The following HHIPL2 variants were observed in gnomAD, a reference collection of about 807,000 sequenced individuals.
HHIPL2 encodes the protein HHIP like 2.
In HHIPL2, 61 loss-of-function variants were observed where a neutral mutation model predicts 61.0. The observed-to-expected ratio is 1.00, with a 90% confidence interval of 0.81 to 1.24. The LOEUF is 1.24. Ranked by LOEUF, HHIPL2 falls within the 50% of genes most tolerant of loss-of-function variation. HHIPL2 has a pLI of 0.00. For missense variants in HHIPL2, 885 were observed against 910.2 expected, an observed-to-expected ratio of 0.97 and a Z score of 0.36; for synonymous variants, 343 against 357.4, an observed-to-expected ratio of 0.96 and a Z score of 0.45.
At chr1:222,527,586 C>T (rs1656121027) in intron 6 of HHIPL2, among the ~76,000 whole-genome samples, 4 of 152,100 alleles carry the variant, frequency 2.6e-5, no homozygotes, top group Admixed American at 2.6e-4. Flanking sequence ...CTTTTCCATG[C>T]CCCACAAAAA....
chr1:222,546,829 G>A (rs917875949), intron 1 of HHIPL2, among the ~76,000 whole-genome samples: 1 of 152,204 alleles, frequency 6.6e-6, no homozygotes. Flanking sequence ...TGCAGGCTCA[G>A]GAACAGTGGC....
chr1:222,536,907 A>C (rs1404526126), intron 5 of HHIPL2, among the ~76,000 whole-genome samples: 1 of 152,026 alleles, frequency 6.6e-6, no homozygotes, highest in Non-Finnish European at 1.5e-5. Flanking sequence ...ATTTTTTTTA[A>C]TTAGCTGGGT....
chr1:222,527,396 T>C (rs1287297815), intron 6 of HHIPL2, among the ~76,000 whole-genome samples: 2 of 152,192 alleles, frequency 1.3e-5, no homozygotes, highest in African/African-American at 4.8e-5. Context: ...ACCTCTTTCC[T>C]CTGTGAACAC....
chr1:222,527,239 C>T (rs1458695457), intron 6 of HHIPL2, among the ~76,000 whole-genome samples, 189 bp from the exon 7 acceptor site: 2 of 152,204 alleles, frequency 1.3e-5, no homozygotes, highest in African/African-American at 2.4e-5. Flanking sequence ...GAAAGTCCAT[C>T]TTTGAACCCC....
chr1:222,528,809 T>A (rs1659126875), intron 6 of HHIPL2, among the ~76,000 whole-genome samples: 1 of 149,040 alleles, frequency 6.7e-6, no homozygotes, highest in Non-Finnish European at 1.5e-5. Context: ...TCTGAATTAT[T>A]TAAACAACTA....
chr1:222,538,614 A>G (rs773382045), intron 5 of HHIPL2, 34 bp downstream of exon 5: 5 of 1,584,722 alleles, frequency 3.2e-6, no homozygotes, highest in Non-Finnish European at 4.3e-6. Context: ...TATTAAAATA[A>G]AAAGAGGGAG....
chr1:222,529,666 T>C (rs1418319988), intron 6 of HHIPL2, among the ~76,000 whole-genome samples: 2 of 152,228 alleles, frequency 1.3e-5, no homozygotes, highest in African/African-American at 4.8e-5. Flanking sequence ...ATGCATGCTA[T>C]ACAAATTTAC....
rs373452655 is a variant in HHIPL2, at chr1:222,538,195, GGTGTGTGT to G, written c.1577+445_1577+452del. Among the ~76,000 whole-genome samples, 282 of 136,360 alleles carry G rather than the reference GGTGTGTGT, an allele frequency of 2.1e-3. 1 individual carries two copies. The highest frequency in any genetic ancestry group is 5.5e-3 in the South Asian group (21 of 3,804). The allele number at this position is 136,360 out of a possible 152,430, so 89.5% of individuals were successfully genotyped here. On this transcript the variant is annotated intron_variant, in intron 5 of 8. Coordinates refer to ENST00000343410, the MANE Select transcript of HHIPL2 (RefSeq NM_024746.4). ...GGTGAGAGTGCTTATCTCTGGCTGG[GGTGTGTGT>G]GTGTGTGTGTGTGTGTGTGTGTGTG...
intron 6 of HHIPL2, among the ~76,000 whole-genome samples, chr1:222,529,838 G>A (rs1010020721): frequency 2.0e-5 from 3 of 152,194 alleles, no homozygotes; most frequent in Non-Finnish European, 4.4e-5. Context: ...AGGATGTGAA[G>A]TGCAGCCATA....
At position 222,522,397 on chromosome 1, in the gene HHIPL2, GGTCTCCCA is replaced by G. The variant is rs1658970594; in HGVS notation, c.*196_*203del. The G allele has an allele frequency of 3.3e-6, 2 of 608,108 alleles. No individual in the cohort carries two copies. Among genetic ancestry groups the G allele is most frequent in the African/African-American group, 3.7e-5 (2 of 54,264 alleles). 37.7% of individuals were successfully genotyped at this position (608,108 alleles called of 1,614,324 possible). A position where few individuals can be genotyped will look rare whatever the true frequency, so the allele number is the denominator to read the frequency against. ...CAGGTGCACCAGCAATCTGGGATAT[GGTCTCCCA>G]CAGAAGCACTGCATACAGAGAAGGT... is the stretch of plus-strand genomic sequence containing the variant. On this transcript the variant is annotated 3_prime_UTR_variant, in exon 9 of 9. Transcript: ENST00000343410.
Position 222,544,156 on chromosome 1 carries a change from C to T in HHIPL2, c.355G>A (p.Ala119Thr). 4 of 1,613,382 alleles carry T rather than the reference C, an allele frequency of 2.5e-6. No homozygotes were observed. The Middle Eastern group carries it at 5.0e-4, about 200-fold the overall frequency. The change falls in exon 2 of 9, where the codon GCC (alanine) becomes ACC (threonine). Residue 119 changes from alanine to threonine, a missense_variant. Physicochemically the swap from Ala to Thr is moderately conservative, Grantham distance 58. Transcript: ENST00000343410. ...CGGAGAGGCGTCTGGGTGTTTTCGG[C>T]GTCGTAGAGGTGGGCTGCGTAGGGC... ...CSPYAAHLYDAENTQTPLRNL... is the reference protein window; with the variant it reads ...CSPYAAHLYDTENTQTPLRNL...
At position 222,547,611 on chromosome 1, in the gene HHIPL2, C is replaced by T. The variant is rs1571781409; in HGVS notation, c.321+113G>A. 5 of 886,352 alleles carry T rather than the reference C, an allele frequency of 5.6e-6. No homozygotes were observed. In the East Asian group the frequency reaches 1.2e-4, roughly 22 times the overall value. 54.9% of individuals were successfully genotyped at this position (886,352 alleles called of 1,614,324 possible). ...CAAAGCCGGCAGCTCCAAGATGAGG[C>T]ACCCGGCACATGAACTTCTAAAGGG... On this transcript the variant is annotated intron_variant, in intron 1 of 8. Coordinates refer to ENST00000343410, the MANE Select transcript of HHIPL2 (RefSeq NM_024746.4).
At chr1:222,544,909 T>A (rs1013435657) in intron 1 of HHIPL2, among the ~76,000 whole-genome samples, 1 of 152,260 alleles carries the variant, frequency 6.6e-6, no homozygotes, top group African/African-American at 2.4e-5. Context: ...TTATTGATTT[T>A]AAAAATTTCA....
At position 222,522,350 on chromosome 1, in the gene HHIPL2, T is replaced by A; in HGVS notation, c.*251A>T. ...TCCAGTGTGATTCCAAGCAGGCTCA[T>A]GGACTAGTGCTTACCATAACCCAGG... On this transcript the variant is annotated 3_prime_UTR_variant, in exon 9 of 9. Coordinates refer to ENST00000343410, the MANE Select transcript of HHIPL2 (RefSeq NM_024746.4). 1.9e-6 allele frequency: 1 copy of A among 521,894 alleles called. No homozygotes were observed. Among genetic ancestry groups the A allele is most frequent in the East Asian group, 3.0e-5 (1 of 33,064 alleles). 32.3% of individuals were successfully genotyped at this position (521,894 alleles called of 1,614,324 possible). A position where few individuals can be genotyped will look rare whatever the true frequency, so the allele number is the denominator to read the frequency against.
intron 6 of HHIPL2, among the ~76,000 whole-genome samples, chr1:222,531,680 G>A (rs1433015892): frequency 3.3e-5 from 5 of 152,096 alleles, no homozygotes; most frequent in Admixed American, 6.5e-5. Context: ...CTCTGGAAGC[G>A]GAGGTTGCAG....
rs142197988 is a variant in HHIPL2 at position 222,543,602 on chromosome 1, C to A, written c.909G>T (p.Lys303Asn). The A allele has an allele frequency of 3.1e-6, 5 of 1,614,182 alleles. No individual in the cohort carries two copies. In the South Asian group the frequency reaches 3.3e-5, roughly 11 times the overall value. ...AAACCTTCATCTCACTAATTCGGAT[C>A]TTTTCTACCTTCTTCTTGTCCAGGC... The part of the protein sequence containing the change: ...YSCLDKKKVE[K>N]IRISEMKVSR... Residue 303 changes from lysine to asparagine, a missense_variant, in exon 2 of 9, where the codon AAG becomes AAT. Transcript: ENST00000343410.
At chr1:222,542,486 G>T (rs1252488255) in intron 2 of HHIPL2, among the ~76,000 whole-genome samples, 1 of 148,084 alleles carries the variant, frequency 6.8e-6, no homozygotes, top group Non-Finnish European at 1.5e-5. Context: ...CCTCAGCTGA[G>T]AGCCTCCCGA....
At chr1:222,538,412 TGAGA>T (rs935462000) in intron 5 of HHIPL2, among the ~76,000 whole-genome samples, 1 of 123,990 alleles carries the variant, frequency 8.1e-6, no homozygotes, top group Non-Finnish European at 1.7e-5. Flanking sequence ...GCCCCTGGTA[TGAGA>T]GAGAGACAGA....
chr1:222,527,174 G>A, intron 6 of HHIPL2, 124 bp from the exon 7 acceptor site: 1 of 706,944 alleles, frequency 1.4e-6, no homozygotes, highest in Non-Finnish European at 2.4e-6. Context: ...GCCAAGAACG[G>A]AATCCCAGAA....
Sources: gnomAD v4.1 joint callset for allele counts (sites outside exome capture counted in the v4.1 genomes callset) on GRCh38, gnomAD v4.1.1 for gene constraint, MANE v1.5 for transcripts, NCBI Gene and HGNC (gene_info 2026-07-23, HGNC 2026-07-21) for gene names.